Variants in GALNTL6 observed in about 807,000 individuals in gnomAD.
The protein encoded by GALNTL6 is polypeptide N-acetylgalactosaminyltransferase like 6.
A neutral mutation model predicts 73.7 loss-of-function variants in GALNTL6; 46 were observed. The ratio of observed to expected loss-of-function variants is 0.62; its 90% CI spans 0.49 to 0.80. GALNTL6 has a LOEUF of 0.80. Among genes scored for constraint, GALNTL6 ranks in the 30% least tolerant of loss-of-function variants. The pLI is 0.00. For missense variants in GALNTL6, 604 were observed against 755.0 expected, an observed-to-expected ratio of 0.80 and a Z score of 2.34; for synonymous variants, 259 against 263.7, an observed-to-expected ratio of 0.98 and a Z score of 0.17.
At chr4:172,277,639 T>C (rs2111071895) in intron 3 of GALNTL6, among the ~76,000 whole-genome samples, 1 of 152,308 alleles carries the variant, frequency 6.6e-6, no homozygotes, top group South Asian at 2.1e-4. Context: ...TCTCTTTGCA[T>C]AATTTTCCAC....
At chr4:172,988,546 A>T (rs1221874428) in intron 10 of GALNTL6, among the ~76,000 whole-genome samples, 1 of 152,214 alleles carries the variant, frequency 6.6e-6, no homozygotes, top group Non-Finnish European at 1.5e-5. Context: ...CATGGGAGGA[A>T]TATGCCTAAA....
At chr4:172,241,942 G>A (rs836317) in intron 3 of GALNTL6, among the ~76,000 whole-genome samples, 150,335 of 152,282 alleles carry the variant, frequency 0.99, 74,235 homozygotes, top group East Asian at 1. Context: ...TCTTCATTCA[G>A]ATTATTAATA....
chr4:172,170,407 T>C (rs1031761147), intron 2 of GALNTL6, among the ~76,000 whole-genome samples: 1 of 152,098 alleles, frequency 6.6e-6, no homozygotes, highest in African/African-American at 2.4e-5. Flanking sequence ...CCTTTCGCCA[T>C]GATTGTAAGT....
At chr4:172,650,285 A>T (rs2111148500) in intron 5 of GALNTL6, among the ~76,000 whole-genome samples, 1 of 152,308 alleles carries the variant, frequency 6.6e-6, no homozygotes, top group South Asian at 2.1e-4. Context: ...CATATTATTC[A>T]GCAGTATCTT....
chr4:172,727,589 A>C (rs370332474), intron 5 of GALNTL6, among the ~76,000 whole-genome samples: 1 of 152,186 alleles, frequency 6.6e-6, no homozygotes, highest in South Asian at 2.1e-4. Context: ...ATTGGCCTTT[A>C]AGGAATAAAT....
chr4:171,884,502 A>G (rs1578939838), intron 2 of GALNTL6, among the ~76,000 whole-genome samples: 1 of 151,836 alleles, frequency 6.6e-6, no homozygotes, highest in Non-Finnish European at 1.5e-5. Context: ...TAATGCAGAC[A>G]AATTACTTAA....
chr4:172,174,951 G>A (rs1734944213), intron 2 of GALNTL6, among the ~76,000 whole-genome samples: 1 of 152,136 alleles, frequency 6.6e-6, no homozygotes, highest in Non-Finnish European at 1.5e-5. Flanking sequence ...CACAGATACT[G>A]CATATATTTT....
chr4:173,015,363 A>T (rs1043853338), intron 11 of GALNTL6, among the ~76,000 whole-genome samples: 1 of 152,116 alleles, frequency 6.6e-6, no homozygotes, highest in Non-Finnish European at 1.5e-5. Context: ...CAGAAGAAGA[A>T]AGGAAAATGT....
At chr4:172,176,027 C>T (rs1734979937) in intron 2 of GALNTL6, among the ~76,000 whole-genome samples, 1 of 152,050 alleles carries the variant, frequency 6.6e-6, no homozygotes, top group Admixed American at 6.6e-5. Context: ...AGTGCACAGC[C>T]TACTCCAAAG....
chr4:172,358,857 C>CAAAAAAAAAAAAAAAAAAAAAAAAAA (rs56119441), intron 5 of GALNTL6, among the ~76,000 whole-genome samples: 1 of 85,554 alleles, frequency 1.2e-5, no homozygotes, highest in Non-Finnish European at 2.2e-5. Context: ...ATTAAAAAGT[C>CAAAAAAAAAAAAAAAAAAAAAAAAAA]AAAAAAAAAA....
At chr4:172,386,793 C>G (rs1743488532) in intron 5 of GALNTL6, among the ~76,000 whole-genome samples, 1 of 151,986 alleles carries the variant, frequency 6.6e-6, no homozygotes, top group Non-Finnish European at 1.5e-5. Flanking sequence ...CTTTTTGGTT[C>G]CAAGCTTGCC....
intron 2 of GALNTL6, among the ~76,000 whole-genome samples, chr4:172,133,903 G>T (rs975606700): frequency 2.0e-5 from 3 of 152,180 alleles, no homozygotes; most frequent in Non-Finnish European, 4.4e-5. Flanking sequence ...AGCAGATGCA[G>T]ATTTTTCTTG....
intron 5 of GALNTL6, among the ~76,000 whole-genome samples, chr4:172,380,783 A>G (rs1302320054): frequency 3.9e-5 from 6 of 152,220 alleles, no homozygotes; most frequent in Admixed American, 2.6e-4. Flanking sequence ...TTTGTTTATT[A>G]CAATAGACAT....
At chr4:173,019,510 AAG>A (rs1752915816) in intron 11 of GALNTL6, among the ~76,000 whole-genome samples, 1 of 152,192 alleles carries the variant, frequency 6.6e-6, no homozygotes, top group Admixed American at 6.5e-5. Context: ...TTCTGAATAG[AAG>A]AGAGTGATCA....
chr4:172,787,371 C>A (rs1008255491), intron 5 of GALNTL6, among the ~76,000 whole-genome samples: 1 of 152,168 alleles, frequency 6.6e-6, no homozygotes, highest in African/African-American at 2.4e-5. Flanking sequence ...TGCCATGCAG[C>A]CATCATTAGG....
chr4:172,230,718 A>G (rs549640163), intron 3 of GALNTL6, among the ~76,000 whole-genome samples: 19 of 152,308 alleles, frequency 1.2e-4, no homozygotes, highest in African/African-American at 4.6e-4. Flanking sequence ...TAGGAAGCCC[A>G]TATTCTCTTA....
intron 7 of GALNTL6, among the ~76,000 whole-genome samples, chr4:172,843,089 C>T (rs1486806134): frequency 6.6e-6 from 1 of 152,166 alleles, no homozygotes; most frequent in Non-Finnish European, 1.5e-5. Context: ...ACTAAGAGCC[C>T]TGTCAAAGGT....
intron 8 of GALNTL6, among the ~76,000 whole-genome samples, chr4:172,913,751 C>A (rs1682529664): frequency 6.6e-6 from 1 of 152,036 alleles, no homozygotes; most frequent in Non-Finnish European, 1.5e-5. Flanking sequence ...GTGAAAAGAC[C>A]AAATCTACAT....
chr4:172,075,486 C>T (rs1560911926), intron 2 of GALNTL6, among the ~76,000 whole-genome samples: 1 of 152,068 alleles, frequency 6.6e-6, no homozygotes, highest in Non-Finnish European at 1.5e-5. Flanking sequence ...AGGCGCCTGC[C>T]ACCAGGCCAG....
Sources: allele counts gnomAD v4.1 joint callset (sites outside exome capture counted in the v4.1 genomes callset), GRCh38; gene constraint gnomAD v4.1.1; transcripts MANE v1.5; gene names NCBI Gene and HGNC (gene_info 2026-07-23, HGNC 2026-07-21).